TASOR: variants seen among roughly 807,000 people sequenced by gnomAD.
The protein encoded by TASOR is protein TASOR.
A neutral mutation model predicts 178.6 loss-of-function variants in TASOR; 53 were observed. The observed-to-expected ratio is 0.30, with a 90% CI of 0.24 to 0.37. The LOEUF is 0.37. Among genes scored for constraint, TASOR ranks in the 10% least tolerant of loss-of-function variants. The pLI is 1.00. For synonymous variants in TASOR, 713 were observed against 696.2 expected (o/e 1.02, Z -0.38); for missense variants, 1,815 against 1,971.4 (o/e 0.92, Z 1.50).
chr3:56,677,925 C>T (rs995148589), intron 1 of TASOR, among the ~76,000 whole-genome samples: 5 of 152,054 alleles, frequency 3.3e-5, no homozygotes, highest in South Asian at 2.1e-4. Context: ...CTTATTTGAT[C>T]GATTTCCATT....
At chr3:56,636,651 T>C (rs1181093569) in intron 17 of TASOR, among the ~76,000 whole-genome samples, 1 of 151,772 alleles carries the variant, frequency 6.6e-6, no homozygotes, top group East Asian at 2.0e-4. Context: ...TCCGCACACC[T>C]TGGCCTCCCA....
rs74734691 is a variant in TASOR, at chr3:56,682,067, T to C, written c.331+609A>G. ...TCGAATTTAAAGAGAGAAAAACCTATTTAATCTAACGCTTCAAAAACAAGG... is the reference window on the plus strand; with the variant it reads ...TCGAATTTAAAGAGAGAAAAACCTACTTAATCTAACGCTTCAAAAACAAGG... On this transcript the variant is annotated intron_variant, in intron 1 of 23. Transcript: ENST00000683822. 6.4e-3 allele frequency among the ~76,000 whole-genome samples: 970 copies of C among 152,338 alleles called. 6 individuals carry two copies. The highest frequency in any genetic ancestry group is 0.02 in the African/African-American group (842 of 41,562).
intron 17 of TASOR, among the ~76,000 whole-genome samples, chr3:56,636,803 T>C (rs2077027275): frequency 6.6e-6 from 1 of 152,148 alleles, no homozygotes; most frequent in Admixed American, 6.5e-5. Context: ...TGTCTACACT[T>C]TAGCTTACAA....
intron 11 of TASOR, among the ~76,000 whole-genome samples, chr3:56,660,067 T>C (rs923352839): frequency 3.9e-5 from 6 of 151,920 alleles, no homozygotes; most frequent in African/African-American, 1.4e-4. Flanking sequence ...TTCTCCATGT[T>C]GGTCAGGATG....
In TASOR at chr3:56,624,531, T is replaced by C; in HGVS notation, c.4431A>G (p.Thr1477=). The part of the protein sequence containing the change: ...KNLVGYHNSI[T]EENLPQLGAN... ...CACCAAGCTGTGGAAGGTTTTCTTC[T>C]GTGATTGAATTGTGATAGCCCACAA... Residue 1477 remains threonine, a synonymous_variant, in exon 23 of 24, where the codon ACA becomes ACG. Coordinates refer to ENST00000683822, the MANE Select transcript of TASOR (RefSeq NM_001365635.2). 6.2e-7 allele frequency: 1 copy of C among 1,614,160 alleles called. No homozygotes were observed. Among genetic ancestry groups the C allele is most frequent in the Non-Finnish European group, 8.5e-7 (1 of 1,180,002 alleles).
In TASOR at chr3:56,624,371, A is replaced by C. The variant is rs193208472; in HGVS notation, c.4483+108T>G. The C allele has an allele frequency of 2.3e-5, 25 of 1,086,346 alleles. No individual in the cohort carries two copies. The African/African-American group carries it at 3.8e-4, about 16-fold the overall frequency. The allele number at this position is 1,086,346 out of a possible 1,614,324, so 67.3% of individuals were successfully genotyped here. ...TGAAACACTTTCCCTATGGCTGTTT[A>C]TACTGAGGTACGTGGTTTCAAAATG... is the stretch of plus-strand genomic sequence containing the variant. On this transcript the variant is annotated intron_variant, in intron 23 of 23. Transcript: ENST00000683822.
At chr3:56,677,104 T>C (rs190352924) in intron 1 of TASOR, among the ~76,000 whole-genome samples, 11 of 152,352 alleles carry the variant, frequency 7.2e-5, no homozygotes, top group African/African-American at 2.6e-4. Context: ...ATTAAGTTCA[T>C]GTTCTGAATG....
At chr3:56,627,796 C>T (rs2076830615) in intron 19 of TASOR, 55 bp from the exon 20 acceptor site, 2 of 1,555,076 alleles carry the variant, frequency 1.3e-6, no homozygotes, top group Non-Finnish European at 1.8e-6. Context: ...AATTGACAGA[C>T]TCAAGTGTGA....
In TASOR at chr3:56,622,962, TTTGTTTA is replaced by T. The variant is rs2076719699; in HGVS notation, c.*68_*74del. The stretch of plus-strand genomic sequence containing the variant: ...AACATTTGAGAAAGAACAAGAACCT[TTTGTTTA>T]GAGAATGAAATATAAATTGTTAATA... On this transcript the variant is annotated 3_prime_UTR_variant, in exon 24 of 24. Coordinates refer to ENST00000683822, the MANE Select transcript of TASOR (RefSeq NM_001365635.2). 2.9e-5 allele frequency: 29 copies of T among 1,014,338 alleles called. No individual in the cohort carries two copies. The highest frequency in any genetic ancestry group is 3.9e-5 in the Non-Finnish European group (28 of 717,382). The allele number at this position is 1,014,338 out of a possible 1,614,324, so 62.8% of individuals were successfully genotyped here.
intron 1 of TASOR, among the ~76,000 whole-genome samples, chr3:56,677,896 T>G (rs2031454059): frequency 6.6e-6 from 1 of 152,162 alleles, no homozygotes; most frequent in Non-Finnish European, 1.5e-5. Context: ...TTTCACACAT[T>G]AAGAAATGTG....
intron 22 of TASOR, 65 bp downstream of exon 22, chr3:56,624,763 C>A: frequency 6.4e-7 from 1 of 1,565,148 alleles, no homozygotes; most frequent in Non-Finnish European, 8.7e-7. Flanking sequence ...CCACCACAGC[C>A]CCATAAAATC....
intron 5 of TASOR, among the ~76,000 whole-genome samples, 187 bp downstream of exon 5, chr3:56,669,505 TCAAAAAAC>T (rs2030443581): frequency 6.6e-6 from 1 of 151,966 alleles, no homozygotes; most frequent in East Asian, 1.9e-4. Flanking sequence ...AGACTCCATC[TCAAAAAAC>T]CAAAAAACAA....
chr3:56,625,338 A>G (rs1487244303), intron 21 of TASOR, among the ~76,000 whole-genome samples: 1 of 152,192 alleles, frequency 6.6e-6, no homozygotes, highest in Admixed American at 6.6e-5. Context: ...AACAGTATAA[A>G]TCCTTCCTTC....
chr3:56,670,181 TAAC>T (rs1445619621), intron 3 of TASOR, 36 bp from the exon 4 acceptor site: 17 of 1,238,530 alleles, frequency 1.4e-5, no homozygotes, highest in Non-Finnish European at 1.7e-5. Context: ...CTTGCAGTCA[TAAC>T]AACATTTAAA....
chr3:56,633,294 T>A lies in TASOR; in HGVS notation c.3497A>T (p.His1166Leu). ...AGAAGTCACCATTAACTCTGTGGCA[T>A]GTTGAGGCTGGTTCATTTCTACTTC... ...LTEVEMNQPQ[H>L]ATELMVTSDH... The change falls in exon 18 of 24, where the codon CAT becomes CTT. Residue 1166 changes from histidine to leucine, a missense_variant. Physicochemically the swap from His to Leu is moderately conservative, Grantham distance 99. Coordinates refer to ENST00000683822, the MANE Select transcript of TASOR (RefSeq NM_001365635.2). 6.2e-7 allele frequency: 1 copy of A among 1,614,202 alleles called. No homozygotes were observed. The highest frequency in any genetic ancestry group is 1.6e-4 in the Middle Eastern group (1 of 6,062).
intron 17 of TASOR, among the ~76,000 whole-genome samples, chr3:56,636,399 TGG>T (rs1437669127): frequency 2.8e-4 from 43 of 152,206 alleles, no homozygotes; most frequent in African/African-American, 9.9e-4. Context: ...TTGGTGGTGG[TGG>T]TGGTGTTGTT....
At position 56,624,464 on chromosome 3, in the gene TASOR, C is replaced by T; in HGVS notation, c.4483+15G>A. 6.2e-7 allele frequency: 1 copy of T among 1,606,982 alleles called. No individual in the cohort carries two copies. Among genetic ancestry groups the T allele is most frequent in the Non-Finnish European group, 8.5e-7 (1 of 1,177,322 alleles). On this transcript the variant is annotated intron_variant, in intron 23 of 23. Transcript: ENST00000683822. ...CTGTCTGCGTTAAAGAAAATGAAAA[C>T]CACTGAAAAGTTACCTGACTGCGAC...
At chr3:56,654,144 GT>G (rs1479972219) in intron 11 of TASOR, among the ~76,000 whole-genome samples, 5 of 152,090 alleles carry the variant, frequency 3.3e-5, no homozygotes, top group African/African-American at 1.2e-4. Flanking sequence ...GAGCATGCCT[GT>G]AATCCCAGCT....
intron 3 of TASOR, among the ~76,000 whole-genome samples, chr3:56,670,478 C>A (rs1333098469): frequency 1.3e-5 from 2 of 152,166 alleles, no homozygotes; most frequent in African/African-American, 4.8e-5. Context: ...GTAACTAGAA[C>A]TACAAGTGCT....
Sources: gnomAD v4.1 joint callset for allele counts (sites outside exome capture counted in the v4.1 genomes callset) on GRCh38, gnomAD v4.1.1 for gene constraint, MANE v1.5 for transcripts, NCBI Gene and HGNC (gene_info 2026-07-23, HGNC 2026-07-21) for gene names.